NDUFA9: variants seen among roughly 807,000 people sequenced by gnomAD.
NDUFA9 encodes the protein NADH dehydrogenase [ubiquinone] 1 alpha subcomplex subunit 9, mitochondrial.
NDUFA9 carries 23 observed loss-of-function variants against 45.9 expected under a neutral mutation model. The ratio of observed to expected loss-of-function variants is 0.50; its 90% CI spans 0.36 to 0.71. NDUFA9 has a LOEUF of 0.71. Ranked by LOEUF, NDUFA9 falls within the 30% of genes least tolerant of loss-of-function variation. The pLI is 0.00. For synonymous variants in NDUFA9, 176 were observed against 170.5 expected (o/e 1.03, Z -0.25); for missense variants, 466 against 488.2 (o/e 0.95, Z 0.43).
At chr12:4,682,449 ATAGAT>A in intron 9 of NDUFA9, 149 bp downstream of exon 9, 1 of 455,590 alleles carries the variant, frequency 2.2e-6, no homozygotes, top group East Asian at 3.3e-5. Context: ...AGAAGCAGAA[ATAGAT>A]TAGTGTTGGT....
intron 1 of NDUFA9, among the ~76,000 whole-genome samples, chr12:4,649,450 C>G (rs1399379211): frequency 1.3e-5 from 2 of 151,174 alleles, no homozygotes; most frequent in Non-Finnish European, 2.9e-5. Flanking sequence ...TCGAGAGAAT[C>G]AGAATTCTGA....
chr12:4,681,936 T>C (rs1489038492), intron 8 of NDUFA9, among the ~76,000 whole-genome samples: 1 of 152,160 alleles, frequency 6.6e-6, no homozygotes, highest in Non-Finnish European at 1.5e-5. Flanking sequence ...TATGATGTAA[T>C]GTTAAATGAA....
intron 1 of NDUFA9, among the ~76,000 whole-genome samples, chr12:4,650,118 C>T (rs753487555): frequency 1.3e-5 from 2 of 152,190 alleles, no homozygotes; most frequent in East Asian, 1.9e-4. Context: ...GAAATGAGGA[C>T]TGAGTGTAGA....
chr12:4,659,339 G>A (rs910135474), intron 5 of NDUFA9, among the ~76,000 whole-genome samples, 162 bp downstream of exon 5: 2 of 143,006 alleles, frequency 1.4e-5, no homozygotes, highest in Non-Finnish European at 3.2e-5. Flanking sequence ...ATGTTTTGAC[G>A]TTTTGATTGA....
At position 4,662,562 on chromosome 12, in the gene NDUFA9, A is replaced by G. The variant is rs1427677906; in HGVS notation, c.582A>G (p.Ala194=). 6.2e-7 allele frequency: 1 copy of G among 1,613,860 alleles called. No individual in the cohort carries two copies. The highest frequency in any genetic ancestry group is 2.2e-5 in the East Asian group (1 of 44,880). Residue 194 remains alanine, a synonymous_variant, in exon 6 of 11, where the codon GCA becomes GCG. Transcript: ENST00000266544. ...TTGGAGAGAAAGTAGTGAGAGATGC[A>G]TTTCCGGAAGCCATTATCGTAAAGC... ...KAVGEKVVRD[A]FPEAIIVKPS...
intron 9 of NDUFA9, among the ~76,000 whole-genome samples, chr12:4,683,868 G>T (rs900146601): frequency 1.3e-5 from 2 of 152,180 alleles, no homozygotes; most frequent in Non-Finnish European, 2.9e-5. Context: ...TACACATTAG[G>T]CACTCTGTTA....
At chr12:4,663,614 G>A (rs888431978) in intron 6 of NDUFA9, among the ~76,000 whole-genome samples, 11 of 152,182 alleles carry the variant, frequency 7.2e-5, no homozygotes, top group African/African-American at 2.7e-4. Context: ...CCCTTATCAG[G>A]AACCAAACTG....
At chr12:4,651,109 C>T (rs985960464) in intron 1 of NDUFA9, among the ~76,000 whole-genome samples, 3 of 152,032 alleles carry the variant, frequency 2.0e-5, no homozygotes, top group Non-Finnish European at 4.4e-5. Context: ...ATGTGTATAT[C>T]ATATTGGTAC....
chr12:4,686,810 A>G (rs1328279150), intron 10 of NDUFA9, 128 bp from the exon 11 acceptor site: 1 of 880,870 alleles, frequency 1.1e-6, no homozygotes, highest in Non-Finnish European at 1.7e-6. Context: ...ATTGCCACAT[A>G]TTCTTTGAAA....
rs1946002606 is a variant in NDUFA9, at chr12:4,688,768, T to G, written c.*1660T>G. On this transcript the variant is annotated 3_prime_UTR_variant, in exon 11 of 11. Coordinates refer to ENST00000266544, the MANE Select transcript of NDUFA9 (RefSeq NM_005002.5). The stretch of plus-strand genomic sequence containing the variant: ...TCTCCTGTACACTAGTATGTCAGAA[T>G]CAGCGTACTAGGGAAAGGAACACAA... The G allele has an allele frequency of 6.6e-6, 1 of 152,150 alleles. No individual in the cohort carries two copies. The highest frequency in any genetic ancestry group is 6.5e-5 in the Admixed American group (1 of 15,270). The allele number at this position is 152,150 out of a possible 1,614,324, so 9.4% of individuals were successfully genotyped here. A position where few individuals can be genotyped will look rare whatever the true frequency, so the allele number is the denominator to read the frequency against.
chr12:4,680,975 G>A (rs752145842), intron 8 of NDUFA9, among the ~76,000 whole-genome samples: 3 of 152,120 alleles, frequency 2.0e-5, no homozygotes, highest in Non-Finnish European at 4.4e-5. Context: ...TTATATGTAA[G>A]GATATAGTAT....
chr12:4,681,019 G>A (rs1216834201), intron 8 of NDUFA9, among the ~76,000 whole-genome samples: 3 of 152,098 alleles, frequency 2.0e-5, no homozygotes, highest in Admixed American at 1.3e-4. Flanking sequence ...TAGGGAAAGA[G>A]GCAGTACAGT....
At chr12:4,672,132 A>G (rs564466886) in intron 8 of NDUFA9, among the ~76,000 whole-genome samples, 1 of 152,298 alleles carries the variant, frequency 6.6e-6, no homozygotes, top group Admixed American at 6.5e-5. Context: ...CCCGGGAAGC[A>G]TAAGGGGTCG....
intron 8 of NDUFA9, among the ~76,000 whole-genome samples, chr12:4,675,830 T>A (rs1945916368): frequency 6.6e-6 from 1 of 152,136 alleles, no homozygotes; most frequent in Non-Finnish European, 1.5e-5. Context: ...ATCATCCTAA[T>A]ACCAAAACCT....
rs1946027601 is a variant in NDUFA9, at chr12:4,693,300, A to ATAAT, written c.*6194_*6197dup. On this transcript the variant is annotated 3_prime_UTR_variant, in exon 11 of 11. Coordinates refer to ENST00000266544, the MANE Select transcript of NDUFA9 (RefSeq NM_005002.5). Reference sequence around the variant, plus strand: ...AAATTGTTCTGGTCTTGTTCAGGTAATAATTTTAATTCTATAATAAAATCT... The same window carrying ATAAT: ...AAATTGTTCTGGTCTTGTTCAGGTAATAATTAATTTTAATTCTATAATAAAATCT... 1 of 152,230 alleles carries ATAAT rather than the reference A, an allele frequency of 6.6e-6. No individual in the cohort carries two copies. The highest frequency in any genetic ancestry group is 1.5e-5 in the Non-Finnish European group (1 of 68,042). The allele number at this position is 152,230 out of a possible 1,614,324, so 9.4% of individuals were successfully genotyped here. A position where few individuals can be genotyped will look rare whatever the true frequency, so the allele number is the denominator to read the frequency against.
At position 4,649,719 on chromosome 12, in the gene NDUFA9, G is replaced by C. The variant is rs547658651; in HGVS notation, c.49+544G>C. On this transcript the variant is annotated intron_variant, in intron 1 of 10. Transcript: ENST00000266544. ...ACCCAAAAGCGTCTCTACGGATGTA[G>C]AATGTGTTCGGCAAAGTGCGTTGGG... Among the ~76,000 whole-genome samples the C allele has an allele frequency of 1.8e-4, 27 of 152,310 alleles. No homozygotes were observed. The South Asian group carries it at 5.6e-3, about 32-fold the overall frequency.
intron 1 of NDUFA9, among the ~76,000 whole-genome samples, chr12:4,649,761 G>C (rs1945745212): frequency 6.6e-6 from 1 of 152,182 alleles, no homozygotes; most frequent in Non-Finnish European, 1.5e-5. Flanking sequence ...GGGAGAGAGT[G>C]ATGTTTGAGG....
At chr12:4,666,569 A>C (rs952039546) in intron 6 of NDUFA9, among the ~76,000 whole-genome samples, 2 of 152,140 alleles carry the variant, frequency 1.3e-5, no homozygotes, top group African/African-American at 4.8e-5. Flanking sequence ...TGTATATGGT[A>C]TGAGGTAAGG....
intron 5 of NDUFA9, 69 bp downstream of exon 5, chr12:4,659,246 T>C: frequency 7.2e-7 from 1 of 1,391,576 alleles, no homozygotes; most frequent in Non-Finnish European, 1.0e-6. Context: ...GAAACATGAT[T>C]TCAGTGAGAA....
Sources: allele counts gnomAD v4.1 joint callset (sites outside exome capture counted in the v4.1 genomes callset), GRCh38; gene constraint gnomAD v4.1.1; transcripts MANE v1.5; gene names NCBI Gene and HGNC (gene_info 2026-07-23, HGNC 2026-07-21).